The following RNLS variants were observed in gnomAD, a reference collection of about 807,000 sequenced individuals.
The protein encoded by RNLS is renalase.
In RNLS, 39 loss-of-function variants were observed where a neutral mutation model predicts 39.8. That is an observed-to-expected ratio of 0.98 (90% confidence interval 0.76 to 1.28). The LOEUF (loss-of-function observed/expected upper bound fraction) is 1.28, where lower values mean the gene tolerates loss of function less well. Among genes scored for constraint, RNLS ranks in the 50% most tolerant of loss-of-function variants. The probability of loss-of-function intolerance (pLI) is 0.00; values close to 1 mark genes in which losing one functional copy is unlikely to be tolerated. For missense variants in RNLS, 410 were observed against 413.3 expected, an observed-to-expected ratio of 0.99 and a Z score of 0.07; for synonymous variants, 147 against 150.7, an observed-to-expected ratio of 0.98 and a Z score of 0.18.
chr10:88,183,016 T>C, the RNLS span, among the ~76,000 whole-genome samples: 1 of 152,112 alleles, frequency 6.6e-6, no homozygotes, highest in African/African-American at 2.4e-5. Context: ...ATCTGTAAAA[T>C]GGGAACAATA....
chr10:88,224,068 A>G, the RNLS span, among the ~76,000 whole-genome samples: 1 of 151,778 alleles, frequency 6.6e-6, no homozygotes, highest in Non-Finnish European at 1.5e-5. Context: ...GGAGAGAAAC[A>G]GAGAAAAATG....
chr10:88,348,534 C>A (rs1448754193), intron 5 of RNLS, among the ~76,000 whole-genome samples: 1 of 152,142 alleles, frequency 6.6e-6, no homozygotes, highest in Admixed American at 6.6e-5. Flanking sequence ...ATGTTTAAGA[C>A]TCACGTTTTA....
Position 88,362,424 on chromosome 10 carries a change from T to TTTA in RNLS, c.700+125_700+127dup, listed in dbSNP as rs1170498806. On this transcript the variant is annotated intron_variant, in intron 5 of 6. Transcript: ENST00000331772. ...TTACTGGCCAAATGTGACATTAAAT[T>TTTA]TTATCCCCTGTGGCTTGGAGTTAAA... is the stretch of plus-strand genomic sequence containing the variant. 5 of 795,952 alleles carry TTTA rather than the reference T, an allele frequency of 6.3e-6. No homozygotes were observed. The African/African-American group carries it at 8.6e-5, about 14-fold the overall frequency. 49.3% of individuals were successfully genotyped at this position (795,952 alleles called of 1,614,324 possible).
intron 4 of RNLS, among the ~76,000 whole-genome samples, chr10:88,493,332 A>C (rs1166210419): frequency 6.6e-6 from 1 of 152,128 alleles, no homozygotes; most frequent in African/African-American, 2.4e-5. Flanking sequence ...TAGAGGCTTA[A>C]GCAGATTATA....
chr10:88,235,116 G>T, the RNLS span, among the ~76,000 whole-genome samples: 1 of 151,818 alleles, frequency 6.6e-6, no homozygotes, highest in Non-Finnish European at 1.5e-5. Context: ...AAAAAAATTA[G>T]CCGGGCGTCG....
chr10:88,247,244 C>T, the RNLS span, among the ~76,000 whole-genome samples: 2 of 152,092 alleles, frequency 1.3e-5, no homozygotes, highest in African/African-American at 4.8e-5. Flanking sequence ...AACAAAATCA[C>T]AATACATGCA....
rs1004218433 is a variant in RNLS at position 88,294,015 on chromosome 10, T to C, written c.877-8509A>G. ...TCTACAGTAACACATGGTTCGTTTG[T>C]TCACCCATGGTTAAATATTTAGGTA... On this transcript the variant is annotated intron_variant, in intron 6 of 6. Transcript: ENST00000331772. 9.8e-5 allele frequency among the ~76,000 whole-genome samples: 15 copies of C among 152,350 alleles called. No individual in the cohort carries two copies. The East Asian group carries it at 2.9e-3, about 29-fold the overall frequency.
intron 6 of RNLS, among the ~76,000 whole-genome samples, chr10:88,305,661 G>T (rs940530005): frequency 3.9e-5 from 6 of 152,148 alleles, no homozygotes; most frequent in Non-Finnish European, 4.4e-5. Flanking sequence ...CAATACAGGA[G>T]CACCTAGATG....
intron 4 of RNLS, among the ~76,000 whole-genome samples, chr10:88,408,445 C>T (rs1853431900): frequency 6.6e-6 from 1 of 151,930 alleles, no homozygotes; most frequent in Admixed American, 6.6e-5. Context: ...GTTTAGTGCC[C>T]TAATGAAAAG....
chr10:88,563,130 A>G (rs1197509677), intron 4 of RNLS, among the ~76,000 whole-genome samples: 6 of 152,188 alleles, frequency 3.9e-5, no homozygotes, highest in African/African-American at 1.4e-4. Flanking sequence ...AAAGATGCCA[A>G]TTCTTCCTAA....
the RNLS span, among the ~76,000 whole-genome samples, chr10:88,242,364 A>G: frequency 6.6e-6 from 1 of 152,320 alleles, no homozygotes; most frequent in South Asian, 2.1e-4. Flanking sequence ...AATGCATTAA[A>G]AATACCACAG....
chr10:88,378,644 T>A (rs191017410), intron 4 of RNLS, among the ~76,000 whole-genome samples: 270 of 152,224 alleles, frequency 1.8e-3, no homozygotes, highest in African/African-American at 6.3e-3. Flanking sequence ...CCAGGAAGAA[T>A]CTAAACAGAC....
At chr10:88,323,678 T>C (rs1267723757) in intron 5 of RNLS, among the ~76,000 whole-genome samples, 2 of 152,010 alleles carry the variant, frequency 1.3e-5, no homozygotes, top group Non-Finnish European at 2.9e-5. Context: ...AAAAACTACT[T>C]TGGACGTTGG....
rs1036302920 is a variant in RNLS, at chr10:88,494,544, T to C, written c.526+78359A>G. ...TTTTAGAAAATATTCATTGCATTGT[T>C]TCTAAGGTGACTCAAGATTATTCAG... On this transcript the variant is annotated intron_variant, in intron 4 of 6. Coordinates refer to ENST00000331772, the MANE Select transcript of RNLS (RefSeq NM_001031709.3). 2.0e-5 allele frequency among the ~76,000 whole-genome samples: 3 copies of C among 152,176 alleles called. No homozygotes were observed. In the East Asian group the frequency reaches 5.8e-4, roughly 29 times the overall value.
At chr10:88,208,150 A>G in the RNLS span, among the ~76,000 whole-genome samples, 1 of 152,056 alleles carries the variant, frequency 6.6e-6, no homozygotes, top group Admixed American at 6.6e-5. Flanking sequence ...ACCACTCTCT[A>G]TTTAGCCAGG....
chr10:88,485,112 A>G (rs1331773672), intron 4 of RNLS, among the ~76,000 whole-genome samples: 1 of 151,982 alleles, frequency 6.6e-6, no homozygotes, highest in East Asian at 1.9e-4. Flanking sequence ...TAGAAATTGA[A>G]AAGCTGATTC....
chr10:88,187,198 T>TAATATATATATA, the RNLS span, among the ~76,000 whole-genome samples: 6 of 13,824 alleles, frequency 4.3e-4, no homozygotes, highest in South Asian at 0.014. Context: ...ATATATATAA[T>TAATATATATATA]ATATATATAA....
chr10:88,530,197 G>A (rs567001579), intron 4 of RNLS, among the ~76,000 whole-genome samples: 3 of 152,206 alleles, frequency 2.0e-5, no homozygotes, highest in East Asian at 1.9e-4. Context: ...TAATAATAAC[G>A]TCCCTTCCTC....
At chr10:88,304,920 ATAATGT>A (rs1198271981) in intron 6 of RNLS, among the ~76,000 whole-genome samples, 1 of 152,206 alleles carries the variant, frequency 6.6e-6, no homozygotes, top group African/African-American at 2.4e-5. Flanking sequence ...AATGAAAAAA[ATAATGT>A]TAAAGGCAGC....
Sources: allele counts gnomAD v4.1 joint callset (sites outside exome capture counted in the v4.1 genomes callset), GRCh38; gene constraint gnomAD v4.1.1; transcripts MANE v1.5; gene names NCBI Gene and HGNC (gene_info 2026-07-23, HGNC 2026-07-21).